MICAL2: variants seen among roughly 807,000 people sequenced by gnomAD.
MICAL2 encodes the protein microtubule associated monooxygenase, calponin and LIM domain containing 2.
Under a neutral mutation model 127.3 loss-of-function variants are expected in MICAL2, and 77 were observed. That is an observed-to-expected ratio of 0.60 (90% CI 0.50 to 0.73). MICAL2 has a LOEUF of 0.73. Ranked by LOEUF, MICAL2 falls within the 30% of genes least tolerant of loss-of-function variation. The probability of loss-of-function intolerance (pLI) is 0.00; values close to 1 mark genes in which losing one functional copy is unlikely to be tolerated. For synonymous variants in MICAL2, 570 were observed against 551.1 expected (o/e 1.03, Z -0.48); for missense variants, 1,351 against 1,434.4 (o/e 0.94, Z 0.94).
At chr11:12,140,120 C>T (rs1437739124) in intron 2 of MICAL2, among the ~76,000 whole-genome samples, 1 of 152,180 alleles carries the variant, frequency 6.6e-6, no homozygotes, top group Non-Finnish European at 1.5e-5. Context: ...TGATGCTTGC[C>T]AAATAGGTAC....
At chr11:12,354,997 C>T (rs1939109556) in intron 34 of MICAL2, 3 of 688,812 alleles carry the variant, frequency 4.4e-6, no homozygotes, top group East Asian at 2.7e-5. Context: ...GCCTGCCTCC[C>T]ACCAGCAGCA....
intron 22 of MICAL2, among the ~76,000 whole-genome samples, chr11:12,252,143 C>G (rs1224143106): frequency 6.6e-6 from 1 of 152,160 alleles, no homozygotes; most frequent in African/African-American, 2.4e-5. Context: ...CCTATAGCCC[C>G]TATCTGAGGG....
At chr11:12,271,165 G>T (rs1370144509), upstream of MICAL2, among the ~76,000 whole-genome samples, 1 of 152,186 alleles carries the variant, frequency 6.6e-6, no homozygotes, top group East Asian at 1.9e-4. Flanking sequence ...AGGCTGAGGT[G>T]CTCAGTTCTG....
intron 33 of MICAL2, among the ~76,000 whole-genome samples, chr11:12,351,283 T>C (rs918336645): frequency 7.9e-5 from 12 of 152,116 alleles, no homozygotes; most frequent in Non-Finnish European, 1.6e-4. Context: ...ACTCACCTGC[T>C]CCTTAGGGGC....
chr11:12,330,829 C>CAGAGAGAGAGAGAGAGGGAGAGAG (rs1381650434), intron 32 of MICAL2, among the ~76,000 whole-genome samples: 1 of 69,166 alleles, frequency 1.4e-5, no homozygotes, highest in Non-Finnish European at 3.5e-5. Context: ...GAGGGAGAGA[C>CAGAGAGAGAGAGAGAGGGAGAGAG]AGACAGAGAG....
chr11:12,295,441 C>CT (rs373402403), downstream of MICAL2, among the ~76,000 whole-genome samples: 1,698 of 126,336 alleles, frequency 0.013, 27 homozygotes, highest in African/African-American at 0.025. Flanking sequence ...TGCTCAGCCT[C>CT]TTTTTTTTTT....
chr11:12,173,617 G>A (rs189983174), intron 3 of MICAL2, among the ~76,000 whole-genome samples: 44 of 152,270 alleles, frequency 2.9e-4, no homozygotes, highest in African/African-American at 9.9e-4. Context: ...TCTGGATGAC[G>A]TACAACCATC....
Position 12,211,386 on chromosome 11 carries a change from A to C in MICAL2, c.691+1788A>C, listed in dbSNP as rs1855441068. Among the ~76,000 whole-genome samples the C allele has an allele frequency of 3.3e-5, 5 of 152,192 alleles. No homozygotes were observed. In the South Asian group the frequency reaches 1.0e-3, roughly 32 times the overall value. ...ACAGAGCAAGACTCCATCTCAGAAAAAAACAAAACAAAACAAAAAAAACCC... is the reference window on the plus strand; with the variant it reads ...ACAGAGCAAGACTCCATCTCAGAAACAAACAAAACAAAACAAAAAAAACCC... On this transcript the variant is annotated intron_variant, in intron 6 of 27. Transcript: ENST00000683283.
chr11:12,349,772 C>G (rs1939016536), intron 32 of MICAL2: 1 of 1,513,238 alleles, frequency 6.6e-7, no homozygotes, highest in East Asian at 2.3e-5. Context: ...TAAAGTGGCT[C>G]AAAGCAGTTT....
chr11:12,216,120 A>C lies in MICAL2; in HGVS notation c.848-99A>C. On this transcript the variant is annotated intron_variant, in intron 7 of 27. Transcript: ENST00000683283. ...AACTGGTCTAACATGAATATTCTGC[A>C]GATAAATAACAAGACCAATAGTGAG... 3 of 854,486 alleles carry C rather than the reference A, an allele frequency of 3.5e-6. 1 individual carries two copies. The South Asian group carries it at 4.6e-5, about 13-fold the overall frequency. 52.9% of individuals were successfully genotyped at this position (854,486 alleles called of 1,614,324 possible).
At chr11:12,214,277 CAAT>C (rs1416446826) in intron 7 of MICAL2, among the ~76,000 whole-genome samples, 14 of 152,140 alleles carry the variant, frequency 9.2e-5, no homozygotes, top group Non-Finnish European at 1.5e-4. Flanking sequence ...AATGTAACAA[CAAT>C]GTTAAATAAA....
chr11:12,242,506 C>A, intron 19 of MICAL2, 74 bp downstream of exon 19: 1 of 1,510,142 alleles, frequency 6.6e-7, no homozygotes, highest in Non-Finnish European at 9.0e-7. Context: ...TCCTCCTACC[C>A]GGGTGGGTTC....
rs1213703346 is a variant in MICAL2, at chr11:12,221,777, G to A, written c.1322+18G>A. On this transcript the variant is annotated intron_variant, in intron 10 of 27. Coordinates refer to ENST00000683283, the MANE Select transcript of MICAL2 (RefSeq NM_001282663.2). ...GCTGAAAGGTGAGCTTTGACAGTAG[G>A]GCTCCTAACTGGGGGGCAGGGCACT... 3.1e-6 allele frequency: 5 copies of A among 1,602,994 alleles called. No homozygotes were observed. The highest frequency in any genetic ancestry group is 1.8e-4 in the Middle Eastern group (1 of 5,498).
At position 12,259,889 on chromosome 11, in the gene MICAL2, GC is replaced by G; in HGVS notation, c.3332del (p.Pro1111GlnfsTer20). On this transcript the variant is annotated frameshift_variant, in exon 26 of 28. Transcript: ENST00000683283. LOFTEE classifies it high-confidence loss of function. ...AVAAIGTLEG[S>X]PPVHFSLPVL... Reference sequence around the variant, plus strand: ...GCCGCCATTGGCACCCTGGAAGGCAGCCCCCCAGGTATCTCCACCTCCTTCT... The same window carrying G: ...GCCGCCATTGGCACCCTGGAAGGCAGCCCCCAGGTATCTCCACCTCCTTCT... 6.2e-7 allele frequency: 1 copy of G among 1,612,650 alleles called. No homozygotes were observed.
At chr11:12,239,348 C>A in intron 16 of MICAL2, 88 bp from the exon 17 acceptor site, 1 of 1,569,598 alleles carries the variant, frequency 6.4e-7, no homozygotes, top group Non-Finnish European at 8.7e-7. Context: ...CTGCGGGAAG[C>A]TAGTCCCACG....
At chr11:12,349,497 G>C (rs1054193980) in intron 32 of MICAL2, among the ~76,000 whole-genome samples, 1 of 152,144 alleles carries the variant, frequency 6.6e-6, no homozygotes, top group Non-Finnish European at 1.5e-5. Context: ...CCTTGGTGAA[G>C]GATGTGATGC....
chr11:12,181,102 C>T (rs894704738), intron 3 of MICAL2, among the ~76,000 whole-genome samples: 1 of 151,954 alleles, frequency 6.6e-6, no homozygotes, highest in South Asian at 2.1e-4. Flanking sequence ...TGCCACCATG[C>T]CTGGATAATT....
intron 2 of MICAL2, among the ~76,000 whole-genome samples, chr11:12,158,344 A>G (rs1429218862): frequency 6.6e-6 from 1 of 152,130 alleles, no homozygotes. Context: ...TGATATGATG[A>G]TGTTTGGGCT....
At chr11:12,223,950 C>T (rs777632091) in intron 12 of MICAL2, among the ~76,000 whole-genome samples, 3 of 152,140 alleles carry the variant, frequency 2.0e-5, no homozygotes, top group Non-Finnish European at 2.9e-5. Context: ...GAACTCCCAG[C>T]GCCCAGCTCA....
Sources: gnomAD v4.1 joint callset for allele counts (sites outside exome capture counted in the v4.1 genomes callset) on GRCh38, gnomAD v4.1.1 for gene constraint, MANE v1.5 for transcripts, NCBI Gene and HGNC (gene_info 2026-07-23, HGNC 2026-07-21) for gene names.